BNC2: variants seen among roughly 807,000 people sequenced by gnomAD.
BNC2 encodes the protein basonuclin zinc finger protein 2.
BNC2 carries 20 observed loss-of-function variants against 76.3 expected under a neutral mutation model. The ratio of observed to expected loss-of-function variants is 0.26; its 90% CI spans 0.18 to 0.38. The LOEUF (loss-of-function observed/expected upper bound fraction) is 0.38. Among genes scored for constraint, BNC2 ranks in the 10% least tolerant of loss-of-function variants. The pLI is 1.00. For missense variants in BNC2, 1,382 were observed against 1,399.8 expected (o/e 0.99, Z 0.20); for synonymous variants, 582 against 514.8 (o/e 1.13, Z -1.77).
intron 4 of BNC2, among the ~76,000 whole-genome samples, chr9:16,577,545 T>C (rs1310469815): frequency 6.6e-6 from 1 of 152,060 alleles, no homozygotes; most frequent in Non-Finnish European, 1.5e-5. Flanking sequence ...TTAATAAATA[T>C]CTACTGACTG....
chr9:16,779,114 TAAA>T lies in BNC2; in HGVS notation c.4-40632_4-40630del, dbSNP rs143267899. Among the ~76,000 whole-genome samples, 131 of 85,564 alleles carry T rather than the reference TAAA, an allele frequency of 1.5e-3. 2 individuals are homozygous for T. Among genetic ancestry groups the T allele is most frequent in the African/African-American group, 5.9e-3 (130 of 22,010 alleles). 56.1% of individuals were successfully genotyped at this position (85,564 alleles called of 152,430 possible). ...GGTTACTCCATCTCTACAAAAATTGTAAAAAAAAAAAAAAAAAAAAGAAAAGAA... is the reference window on the plus strand; with the variant it reads ...GGTTACTCCATCTCTACAAAAATTGTAAAAAAAAAAAAAAAAAGAAAAGAA... On this transcript the variant is annotated intron_variant, in intron 1 of 6. Transcript: ENST00000380672.
intron 1 of BNC2, among the ~76,000 whole-genome samples, chr9:16,864,080 T>G: frequency 6.6e-6 from 1 of 152,288 alleles, no homozygotes; most frequent in East Asian, 1.9e-4. Flanking sequence ...AAATACTTAT[T>G]TTATTTATGA....
At chr9:16,548,936 A>G (rs1818572294) in intron 5 of BNC2, among the ~76,000 whole-genome samples, 1 of 152,214 alleles carries the variant, frequency 6.6e-6, no homozygotes, top group South Asian at 2.1e-4. Flanking sequence ...TTTATACCCA[A>G]CTGGCTAGCT....
chr9:16,573,755 G>A (rs1163984830), intron 4 of BNC2, among the ~76,000 whole-genome samples: 1 of 152,182 alleles, frequency 6.6e-6, no homozygotes, highest in Non-Finnish European at 1.5e-5. Context: ...CTATCCAGTT[G>A]TGGTAATACT....
chr9:16,521,015 A>G (rs114752399), intron 5 of BNC2, among the ~76,000 whole-genome samples: 3,285 of 152,318 alleles, frequency 0.022, 144 homozygotes, highest in African/African-American at 0.074. Flanking sequence ...CTTCAATCCC[A>G]AGGGAACTGT....
intron 3 of BNC2, among the ~76,000 whole-genome samples, chr9:16,624,616 T>A (rs1389002251): frequency 6.6e-6 from 1 of 152,190 alleles, no homozygotes; most frequent in Non-Finnish European, 1.5e-5. Context: ...TTGTCTCTGG[T>A]CAACCTGTAG....
intron 1 of BNC2, among the ~76,000 whole-genome samples, chr9:16,822,480 C>A (rs1818360965): frequency 1.3e-5 from 2 of 152,074 alleles, no homozygotes; most frequent in South Asian, 4.1e-4. Context: ...GTTAGTACAG[C>A]CATCTAGAGT....
intron 6 of BNC2, among the ~76,000 whole-genome samples, chr9:16,424,935 AC>A (rs1289831227): frequency 2.0e-5 from 3 of 152,200 alleles, no homozygotes; most frequent in African/African-American, 7.2e-5. Context: ...TACTTTTGAC[AC>A]TATACCTTTC....
At chr9:16,690,551 T>C (rs1823127128) in intron 3 of BNC2, among the ~76,000 whole-genome samples, 1 of 152,130 alleles carries the variant, frequency 6.6e-6, no homozygotes, top group African/African-American at 2.4e-5. Context: ...AATAAATAAA[T>C]ACAACACAGT....
chr9:16,497,656 C>T (rs7858780), intron 5 of BNC2, among the ~76,000 whole-genome samples: 20,143 of 151,902 alleles, frequency 0.13, 4,061 homozygotes, highest in African/African-American at 0.44. Context: ...AAAGAAAATA[C>T]GTAGTGGCTA....
chr9:16,794,895 T>TG (rs1817604033), intron 1 of BNC2, among the ~76,000 whole-genome samples: 2 of 134,324 alleles, frequency 1.5e-5, no homozygotes, highest in Admixed American at 8.2e-5. Context: ...GCTTATCTGA[T>TG]GGGGGAAAAA....
chr9:16,604,220 C>T (rs530209177), intron 3 of BNC2, among the ~76,000 whole-genome samples: 27 of 152,218 alleles, frequency 1.8e-4, no homozygotes, highest in African/African-American at 6.5e-4. Context: ...TTAATTAGAA[C>T]CTCTTTCTCT....
intron 1 of BNC2, among the ~76,000 whole-genome samples, chr9:16,762,225 T>C (rs1825572049): frequency 6.6e-6 from 1 of 152,130 alleles, no homozygotes; most frequent in African/African-American, 2.4e-5. Flanking sequence ...CCTCACCTTC[T>C]GGAATTTTTT....
intron 5 of BNC2, among the ~76,000 whole-genome samples, chr9:16,520,561 T>C (rs541540637): frequency 1.3e-5 from 2 of 152,098 alleles, no homozygotes. Flanking sequence ...ATAGCATAGA[T>C]AGCAAGAGTT....
At chr9:16,793,204 T>C (rs12341168) in intron 1 of BNC2, among the ~76,000 whole-genome samples, 14,952 of 152,246 alleles carry the variant, frequency 0.098, 982 homozygotes, top group Admixed American at 0.22. Flanking sequence ...AATACAATGT[T>C]TTTTTAGACT....
At chr9:16,629,309 T>G (rs1821092682) in intron 3 of BNC2, among the ~76,000 whole-genome samples, 1 of 152,216 alleles carries the variant, frequency 6.6e-6, no homozygotes, top group South Asian at 2.1e-4. Context: ...AATTTTCGTT[T>G]TGAATGAGCT....
At chr9:16,434,993 C>G in intron 6 of BNC2, 1 of 471,204 alleles carries the variant, frequency 2.1e-6, no homozygotes, top group Non-Finnish European at 4.4e-6. Context: ...CAAGGACACA[C>G]TAAATACTCA....
chr9:16,514,919 A>T (rs932238424), intron 5 of BNC2, among the ~76,000 whole-genome samples: 1 of 152,238 alleles, frequency 6.6e-6, no homozygotes, highest in Non-Finnish European at 1.5e-5. Flanking sequence ...AATTCCAATT[A>T]TTGAACTCCA....
intron 1 of BNC2, among the ~76,000 whole-genome samples, chr9:16,847,841 G>C (rs535188848): frequency 6.6e-6 from 1 of 152,146 alleles, no homozygotes; most frequent in Non-Finnish European, 1.5e-5. Flanking sequence ...GTAAACAGTT[G>C]ATTATTTAAA....
Sources: gnomAD v4.1 joint callset for allele counts (sites outside exome capture counted in the v4.1 genomes callset) on GRCh38, gnomAD v4.1.1 for gene constraint, MANE v1.5 for transcripts, NCBI Gene and HGNC (gene_info 2026-07-23, HGNC 2026-07-21) for gene names.